The following C18orf63 variants were observed in gnomAD, a reference collection of about 807,000 sequenced individuals.
C18orf63 encodes uncharacterized protein C18orf63.
In C18orf63, 50 loss-of-function variants were observed where a neutral mutation model predicts 75.3. The observed-to-expected ratio is 0.66, with a 90% CI of 0.53 to 0.84. C18orf63 has a LOEUF of 0.84. Among genes scored for constraint, C18orf63 ranks in the 40% least tolerant of loss-of-function variants. The probability of loss-of-function intolerance (pLI) is 0.00; values close to 1 mark genes in which losing one functional copy is unlikely to be tolerated. For missense variants in C18orf63, 732 were observed against 800.2 expected (o/e 0.91, Z 1.03); for synonymous variants, 232 against 267.6 (o/e 0.87, Z 1.30).
intron 11 of C18orf63, among the ~76,000 whole-genome samples, chr18:74,345,278 A>G (rs1984555326): frequency 6.6e-6 from 1 of 151,666 alleles, no homozygotes; most frequent in Non-Finnish European, 1.5e-5. Flanking sequence ...GCCAGATATG[A>G]GTTTTTCATC....
At chr18:74,327,742 T>C (rs1984232952) in intron 4 of C18orf63, among the ~76,000 whole-genome samples, 1 of 152,192 alleles carries the variant, frequency 6.6e-6, no homozygotes, top group African/African-American at 2.4e-5. Context: ...AGCATGACAA[T>C]AGTAGTGGTT....
chr18:74,343,711 T>A lies in C18orf63; in HGVS notation c.978+9T>A. 6.8e-7 allele frequency: 1 copy of A among 1,474,808 alleles called. No homozygotes were observed. Among genetic ancestry groups the A allele is most frequent in the Non-Finnish European group, 9.0e-7 (1 of 1,111,998 alleles). The allele number at this position is 1,474,808 out of a possible 1,614,324, so 91.4% of individuals were successfully genotyped here. A position where few individuals can be genotyped will look rare whatever the true frequency, so the allele number is the denominator to read the frequency against. On this transcript the variant is annotated intron_variant, in intron 11 of 13. Coordinates refer to ENST00000579455, the MANE Select transcript of C18orf63 (RefSeq NM_001174123.2). The stretch of plus-strand genomic sequence containing the variant: ...CTAAACCTAATATACAGGTAAGAGA[T>A]CTCTTGTCCTATCTAGTTCTCCAAG...
chr18:74,345,684 A>T (rs570059659), intron 11 of C18orf63, among the ~76,000 whole-genome samples: 2 of 152,186 alleles, frequency 1.3e-5, no homozygotes, highest in South Asian at 4.1e-4. Context: ...TTGCAGCACT[A>T]CCTTTGTCAT....
intron 3 of C18orf63, among the ~76,000 whole-genome samples, chr18:74,322,411 TAAGA>T (rs1263825608): frequency 1.3e-5 from 2 of 152,218 alleles, no homozygotes; most frequent in Non-Finnish European, 2.9e-5. Flanking sequence ...AATTCTATAT[TAAGA>T]AAGGCGTTAA....
chr18:74,345,223 G>A (rs1030949655), intron 11 of C18orf63, among the ~76,000 whole-genome samples: 4 of 106,112 alleles, frequency 3.8e-5, no homozygotes, highest in Non-Finnish European at 8.4e-5. Flanking sequence ...ACTGTGTTAC[G>A]TGTTTGTTTG....
At chr18:74,316,509 G>A (rs1984028288) in intron 1 of C18orf63, among the ~76,000 whole-genome samples, 1 of 152,262 alleles carries the variant, frequency 6.6e-6, no homozygotes, top group South Asian at 2.1e-4. Context: ...GAGGCTTAGC[G>A]CACAGCACTG....
chr18:74,345,975 C>CAG (rs755814849), intron 11 of C18orf63, among the ~76,000 whole-genome samples: 15 of 54,934 alleles, frequency 2.7e-4, no homozygotes, highest in Non-Finnish European at 4.7e-4. Context: ...CACACACACA[C>CAG]ATAGAGACAG....
At position 74,342,146 on chromosome 18, in the gene C18orf63, A is replaced by G. The variant is rs1349088539; in HGVS notation, c.708+18A>G. On this transcript the variant is annotated intron_variant, in intron 9 of 13. Coordinates refer to ENST00000579455, the MANE Select transcript of C18orf63 (RefSeq NM_001174123.2). ...ATGCCCTGGTAAGGAATGGAAATAT[A>G]TGTTACATTAGAAGTTATTTGATTT... is the stretch of plus-strand genomic sequence containing the variant. 2 of 1,418,658 alleles carry G rather than the reference A, an allele frequency of 1.4e-6. No homozygotes were observed. Among genetic ancestry groups the G allele is most frequent in the Non-Finnish European group, 1.9e-6 (2 of 1,041,208 alleles). 87.9% of individuals were successfully genotyped at this position (1,418,658 alleles called of 1,614,324 possible).
chr18:74,347,123 C>T (rs771058526), intron 11 of C18orf63, among the ~76,000 whole-genome samples: 4 of 152,184 alleles, frequency 2.6e-5, no homozygotes, highest in Non-Finnish European at 5.9e-5. Context: ...GTTATTTGAT[C>T]TCTGTGTGCC....
intron 6 of C18orf63, among the ~76,000 whole-genome samples, chr18:74,330,423 G>T (rs879296223): frequency 1.6e-4 from 24 of 152,080 alleles, no homozygotes; most frequent in Admixed American, 4.6e-4. Context: ...GGCTCTAGGA[G>T]ATTTGGAATA....
chr18:74,324,082 A>G (rs1012924743), intron 4 of C18orf63, among the ~76,000 whole-genome samples: 1 of 152,260 alleles, frequency 6.6e-6, no homozygotes, highest in African/African-American at 2.4e-5. Flanking sequence ...TGCTGCATGA[A>G]TACAAATTAT....
intron 8 of C18orf63, among the ~76,000 whole-genome samples, chr18:74,339,392 G>A (rs1010428741): frequency 3.3e-5 from 5 of 151,976 alleles, no homozygotes; most frequent in Non-Finnish European, 7.4e-5. Context: ...AATATCTTTG[G>A]GTGGAAAAAT....
At chr18:74,343,875 G>A (rs79404282) in intron 11 of C18orf63, among the ~76,000 whole-genome samples, 173 bp downstream of exon 11, 4,466 of 152,068 alleles carry the variant, frequency 0.029, 167 homozygotes, top group East Asian at 0.17. Context: ...TTAGTCATTT[G>A]TTATTATTAT....
chr18:74,349,474 G>A (rs1984630108), intron 11 of C18orf63, among the ~76,000 whole-genome samples: 1 of 152,120 alleles, frequency 6.6e-6, no homozygotes, highest in South Asian at 2.1e-4. Context: ...CCACACAGGA[G>A]GAGGTGAGTA....
chr18:74,353,288 C>T lies in C18orf63; in HGVS notation c.1021C>T (p.Leu341Phe), dbSNP rs1402579028. ...KPPNLTTKKM[L>F]RASLTQATSR... Reference sequence around the variant, plus strand: ...ACCCAATTTGACCACTAAAAAAATGCTTAGGGCATCTCTGACTCAAGCCAC... The same window carrying T: ...ACCCAATTTGACCACTAAAAAAATGTTTAGGGCATCTCTGACTCAAGCCAC... The change falls in exon 12 of 14, where the codon CTT becomes TTT. Residue 341 changes from leucine to phenylalanine, a missense_variant. Coordinates refer to ENST00000579455, the MANE Select transcript of C18orf63 (RefSeq NM_001174123.2). 3.9e-6 allele frequency: 6 copies of T among 1,536,334 alleles called. No homozygotes were observed. The highest frequency in any genetic ancestry group is 2.4e-5 in the East Asian group (1 of 40,914).
rs79227042 is a variant in C18orf63, at chr18:74,353,660, C to G, written c.1393C>G (p.Gln465Glu). Residue 465 changes from glutamine (Q) to glutamate (E), a missense_variant, in exon 12 of 14, where the codon CAA becomes GAA. Physicochemically the swap from Gln to Glu is conservative, Grantham distance 29. Around this residue, in one of 3 missense-constraint regions of C18orf63, gnomAD observed 495 missense variants for 508.7 expected, o/e 0.97. Transcript: ENST00000579455. ...AAAAAGAAAACAGCATGATGTGACA[C>G]AATCTAAATTGTTTTCACTCAAAAC... The part of the protein sequence containing the change: ...SPKRKQHDVT[Q>E]SKLFSLKTSM... The G allele has an allele frequency of 2.0e-6, 3 of 1,535,916 alleles. No homozygotes were observed. The highest frequency in any genetic ancestry group is 2.6e-6 in the Non-Finnish European group (3 of 1,146,836).
chr18:74,354,660 C>T (rs1984733300), intron 13 of C18orf63, 114 bp downstream of exon 13: 14 of 586,514 alleles, frequency 2.4e-5, no homozygotes, highest in Middle Eastern at 2.6e-4. Flanking sequence ...TCTTTGAAAC[C>T]GTAAAATCAG....
intron 4 of C18orf63, among the ~76,000 whole-genome samples, chr18:74,323,739 T>A (rs1350901658): frequency 6.6e-6 from 1 of 152,244 alleles, no homozygotes; most frequent in Non-Finnish European, 1.5e-5. Flanking sequence ...TTGTTCAACG[T>A]TGTTTCAATA....
chr18:74,341,219 C>G (rs1476633664), intron 8 of C18orf63, among the ~76,000 whole-genome samples: 2 of 125,040 alleles, frequency 1.6e-5, no homozygotes, highest in African/African-American at 3.1e-5. Context: ...TGCAGTGAGC[C>G]GAGATCCCGC....
Sources: gnomAD v4.1 joint callset for allele counts (sites outside exome capture counted in the v4.1 genomes callset) on GRCh38, gnomAD v4.1.1 for gene constraint, gnomAD v4.1.1 regional missense constraint, MANE v1.5 for transcripts, NCBI Gene and HGNC (gene_info 2026-07-23, HGNC 2026-07-21) for gene names.